The following C6 variants were observed in gnomAD, a reference collection of about 807,000 sequenced individuals.
The protein encoded by C6 is complement C6, also known as complement component C6.
In C6, 101 loss-of-function variants were observed where a neutral mutation model predicts 112.9. The ratio of observed to expected loss-of-function variants is 0.89; its 90% CI spans 0.76 to 1.06. The LOEUF (loss-of-function observed/expected upper bound fraction) is 1.06, where lower values mean the gene tolerates loss of function less well. Ranked by LOEUF, C6 falls within the 50% of genes least tolerant of loss-of-function variation. The pLI is 0.00. For synonymous variants in C6, 431 were observed against 384.1 expected (o/e 1.12, Z -1.43); for missense variants, 1,202 against 1,104.6 (o/e 1.09, Z -1.25).
chr5:41,199,936 A>G (rs1750885570), intron 3 of C6, 24 bp from the exon 4 acceptor site: 1 of 1,612,930 alleles, frequency 6.2e-7, no homozygotes, highest in Admixed American at 1.7e-5. Context: ...AGAGAAAGAT[A>G]TAACTCTGAG....
intron 2 of C6, 142 bp downstream of exon 2, chr5:41,202,946 G>T (rs372556392): frequency 1.2e-6 from 1 of 843,108 alleles, no homozygotes; most frequent in East Asian, 2.4e-5. Flanking sequence ...ATAAGAGAGA[G>T]ACTTCAAATT....
rs1162057441 is a variant in C6 at position 41,172,360 on chromosome 5, G to A, written c.1169-13C>T. On this transcript the variant is annotated splice_polypyrimidine_tract_variant and intron_variant, in intron 8 of 17. Transcript: ENST00000337836. ...TCCTCGGTTAAACCTAGGAGATGAA[G>A]TACAAACAGAAACCACTGAGAATGC... 6 of 1,613,106 alleles carry A rather than the reference G, an allele frequency of 3.7e-6. No homozygotes were observed. Among genetic ancestry groups the A allele is most frequent in the Admixed American group, 1.7e-5 (1 of 59,910 alleles).
At chr5:41,178,466 C>CTTTTTTTTTTTTTTTTT (rs70988836) in intron 7 of C6, among the ~76,000 whole-genome samples, 12 of 101,594 alleles carry the variant, frequency 1.2e-4, no homozygotes, top group Non-Finnish European at 1.7e-4. Context: ...TTTTCTTTTT[C>CTTTTTTTTTTTTTTTTT]TTTTTTTTTT....
chr5:41,174,230 T>C (rs1748661236), intron 8 of C6, among the ~76,000 whole-genome samples: 3 of 152,182 alleles, frequency 2.0e-5, no homozygotes, highest in Non-Finnish European at 4.4e-5. Context: ...AATCCTTTTC[T>C]TCCCTGCAGT....
rs993389527 is a variant in C6 at position 41,235,320 on chromosome 5, T to C, written c.-21+25874A>G. On this transcript the variant is annotated intron_variant, in intron 1 of 17. Coordinates refer to the C6 transcript ENST00000263413. ...CAATTCCCACCTATGCGTGAGAATA[T>C]GCGGTGTTTGGTTTTTTGTTCTTGC... Among the ~76,000 whole-genome samples the C allele has an allele frequency of 1.2e-4, 18 of 144,372 alleles. No homozygotes were observed. The South Asian group carries it at 1.4e-3, about 11-fold the overall frequency. The allele number at this position is 144,372 out of a possible 152,430, so 94.7% of individuals were successfully genotyped here. A position where few individuals can be genotyped will look rare whatever the true frequency, so the allele number is the denominator to read the frequency against.
chr5:41,259,580 T>G (rs557516341), intron 1 of C6, among the ~76,000 whole-genome samples: 1 of 151,876 alleles, frequency 6.6e-6, no homozygotes, highest in South Asian at 2.1e-4. Flanking sequence ...ACAACAAGAC[T>G]TAAACTGTTT....
chr5:41,144,587 T>C (rs948622676), intron 17 of C6, among the ~76,000 whole-genome samples: 1 of 152,200 alleles, frequency 6.6e-6, no homozygotes, highest in African/African-American at 2.4e-5. Flanking sequence ...TTTTTTCTTT[T>C]TCTTAACTTT....
chr5:41,183,169 C>T (rs1255106173), intron 6 of C6, among the ~76,000 whole-genome samples: 3 of 152,144 alleles, frequency 2.0e-5, no homozygotes, highest in Non-Finnish European at 4.4e-5. Flanking sequence ...GGAAGAGATG[C>T]ACAGTGGCAA....
chr5:41,215,591 G>C (rs545126166), upstream of C6, among the ~76,000 whole-genome samples: 2 of 152,248 alleles, frequency 1.3e-5, no homozygotes, highest in South Asian at 4.1e-4. Context: ...TAACACAGAA[G>C]ACCTTCTCAC....
chr5:41,184,574 C>A (rs1749621299), intron 6 of C6, among the ~76,000 whole-genome samples: 1 of 151,982 alleles, frequency 6.6e-6, no homozygotes, highest in Admixed American at 6.6e-5. Context: ...TGGGTTCAAG[C>A]AATTCTCATG....
At chr5:41,248,165 A>G (rs1399244406) in intron 1 of C6, among the ~76,000 whole-genome samples, 1 of 146,810 alleles carries the variant, frequency 6.8e-6, no homozygotes, top group Non-Finnish European at 1.5e-5. Flanking sequence ...ATATACAAAA[A>G]TTAACTCAAG....
intron 1 of C6, among the ~76,000 whole-genome samples, chr5:41,227,951 G>A (rs925106581): frequency 6.6e-6 from 1 of 152,006 alleles, no homozygotes; most frequent in African/African-American, 2.4e-5. Context: ...TGCTATTTGA[G>A]GCATTTTTGG....
intron 5 of C6, among the ~76,000 whole-genome samples, chr5:41,191,067 C>CTTTTTTTTTTTTTTT (rs142519688): frequency 3.5e-5 from 3 of 84,754 alleles, no homozygotes; most frequent in African/African-American, 5.0e-5. Flanking sequence ...ATGCCTTTGG[C>CTTTTTTTTTTTTTTT]TTTTTTTTTT....
At chr5:41,162,324 T>C (rs899752435) in intron 9 of C6, among the ~76,000 whole-genome samples, 1 of 152,144 alleles carries the variant, frequency 6.6e-6, no homozygotes, top group Admixed American at 6.6e-5. Flanking sequence ...CAGAATAAGA[T>C]AAGTCACATG....
At position 41,160,173 on chromosome 5, in the gene C6, G is replaced by A. The variant is rs1323115295; in HGVS notation, c.1653C>T (p.Asn551=). The part of the protein sequence containing the change: ...CVCQSGTYGE[N]CEKQSPDYKS... The stretch of plus-strand genomic sequence containing the variant: ...TATAATCTGGAGACTGTTTCTCACA[G>A]TTCTCACCATAGGTGCCACTCTGAC... Residue 551 remains asparagine, a synonymous_variant, in exon 11 of 18, where the codon AAC becomes AAT. Coordinates refer to ENST00000337836, the MANE Select transcript of C6 (RefSeq NM_000065.5). The A allele has an allele frequency of 3.1e-6, 5 of 1,613,486 alleles. No individual in the cohort carries two copies. Among genetic ancestry groups the A allele is most frequent in the Non-Finnish European group, 4.2e-6 (5 of 1,179,596 alleles).
chr5:41,144,940 A>T (rs60169663), intron 17 of C6, among the ~76,000 whole-genome samples: 1 of 152,322 alleles, frequency 6.6e-6, no homozygotes, highest in East Asian at 1.9e-4. Context: ...GCTGCATAGC[A>T]TTCCATGGTA....
At chr5:41,222,675 G>A (rs773005788) in intron 1 of C6, among the ~76,000 whole-genome samples, 4 of 152,114 alleles carry the variant, frequency 2.6e-5, no homozygotes, top group Non-Finnish European at 5.9e-5. Flanking sequence ...TACTATTTCT[G>A]ATACCTTTGT....
At chr5:41,195,523 A>T (rs924404533) in intron 5 of C6, among the ~76,000 whole-genome samples, 1 of 152,160 alleles carries the variant, frequency 6.6e-6, no homozygotes, top group African/African-American at 2.4e-5. Flanking sequence ...TTTCTGAGAG[A>T]TGTATGAGAA....
Position 41,243,442 on chromosome 5 carries a change from C to T in C6, c.-21+17752G>A, listed in dbSNP as rs371160074. 1.8e-4 allele frequency among the ~76,000 whole-genome samples: 27 copies of T among 152,268 alleles called. No homozygotes were observed. The South Asian group carries it at 5.6e-3, about 32-fold the overall frequency. On this transcript the variant is annotated intron_variant, in intron 1 of 17. Transcript: ENST00000263413. ...TATGTTAAAAAATTTTTATTCTAGG[C>T]TCTTTAAACTTGTGTAGTGCTTCAT... is the stretch of plus-strand genomic sequence containing the variant.
Sources: gnomAD v4.1 joint callset for allele counts (sites outside exome capture counted in the v4.1 genomes callset) on GRCh38, gnomAD v4.1.1 for gene constraint, MANE v1.5 for transcripts, NCBI Gene and HGNC (gene_info 2026-07-23, HGNC 2026-07-21) for gene names.